BFSP2: variants seen among roughly 807,000 people sequenced by gnomAD.
BFSP2 encodes phakinin.
A neutral mutation model predicts 44.9 loss-of-function variants in BFSP2; 38 were observed. The ratio of observed to expected loss-of-function variants is 0.85; its 90% CI spans 0.65 to 1.11. The LOEUF (loss-of-function observed/expected upper bound fraction) is 1.11, where lower values mean the gene tolerates loss of function less well. BFSP2 is among the 50% of genes least tolerant of loss of function. The pLI is 0.00. For synonymous variants in BFSP2, 197 were observed against 209.9 expected, an observed-to-expected ratio of 0.94 and a Z score of 0.53; for missense variants, 525 against 533.0, an observed-to-expected ratio of 0.99 and a Z score of 0.15.
At chr3:133,417,674 T>TA (rs2073553574) in intron 1 of BFSP2, among the ~76,000 whole-genome samples, 15 of 134,594 alleles carry the variant, frequency 1.1e-4, no homozygotes, top group African/African-American at 1.7e-4. Flanking sequence ...CCCTGCCCTC[T>TA]CCTCTCTACT....
intron 1 of BFSP2, among the ~76,000 whole-genome samples, chr3:133,434,223 A>G (rs2073758302): frequency 6.6e-6 from 1 of 152,134 alleles, no homozygotes; most frequent in Non-Finnish European, 1.5e-5. Context: ...TAGACCTTTT[A>G]TACCTGTTTT....
chr3:133,404,197 C>T (rs1399926928), intron 1 of BFSP2, among the ~76,000 whole-genome samples: 1 of 152,178 alleles, frequency 6.6e-6, no homozygotes, highest in Non-Finnish European at 1.5e-5. Context: ...TATGAGGCAC[C>T]GTGCCCAGCC....
intron 4 of BFSP2, among the ~76,000 whole-genome samples, chr3:133,463,087 T>C (rs974380798): frequency 6.6e-6 from 1 of 152,084 alleles, no homozygotes; most frequent in African/African-American, 2.4e-5. Flanking sequence ...AGCCGGCGGA[T>C]CAACTGAGGT....
intron 1 of BFSP2, among the ~76,000 whole-genome samples, chr3:133,409,227 G>GGGGTGT (rs1553777201): frequency 1.3e-4 from 19 of 148,604 alleles, no homozygotes; most frequent in African/African-American, 4.7e-4. Context: ...TTCTGACACT[G>GGGGTGT]GTGTGTGTGT....
At chr3:133,441,576 G>A (rs1355590737) in intron 1 of BFSP2, among the ~76,000 whole-genome samples, 1 of 152,124 alleles carries the variant, frequency 6.6e-6, no homozygotes, top group Non-Finnish European at 1.5e-5. Context: ...TTGGAGCTAG[G>A]TAAGAACCTG....
At chr3:133,413,360 A>G (rs2073474970) in intron 1 of BFSP2, among the ~76,000 whole-genome samples, 1 of 152,054 alleles carries the variant, frequency 6.6e-6, no homozygotes, top group African/African-American at 2.4e-5. Flanking sequence ...ACCCAGCCAA[A>G]TTAAACAAGC....
intron 4 of BFSP2, among the ~76,000 whole-genome samples, chr3:133,465,249 C>T (rs2074099293): frequency 6.6e-6 from 1 of 151,940 alleles, no homozygotes; most frequent in African/African-American, 2.4e-5. Context: ...TCAGGTGATC[C>T]ACCCACCTCG....
chr3:133,419,904 C>T (rs1178849709), intron 1 of BFSP2, among the ~76,000 whole-genome samples: 1 of 152,232 alleles, frequency 6.6e-6, no homozygotes, highest in Non-Finnish European at 1.5e-5. Flanking sequence ...GTGGCTCCGG[C>T]TCCGCCAAAC....
chr3:133,449,275 T>C (rs2073934002), intron 3 of BFSP2: 1 of 153,166 alleles, frequency 6.5e-6, no homozygotes, highest in Non-Finnish European at 1.5e-5. Flanking sequence ...GCCCATTTCT[T>C]CTTGTTCTTA....
chr3:133,400,244 C>G lies in BFSP2; in HGVS notation c.161C>G (p.Pro54Arg). The change falls in exon 1 of 7, where the codon CCC becomes CGC. Residue 54 changes from proline (P) to arginine (R), a missense_variant. Transcript: ENST00000302334. The surrounding 1 kb of genome is among the most constrained non-coding windows in gnomAD (Gnocchi z 4.0). ...TNAMSGLVRAPGVYVGTAPSG... is the reference protein window; with the variant it reads ...TNAMSGLVRARGVYVGTAPSG... ...GCCATGAGTGGCCTTGTCCGAGCAC[C>G]CGGGGTCTATGTAGGAACAGCACCC... 2.5e-6 allele frequency: 4 copies of G among 1,613,946 alleles called. No homozygotes were observed. The highest frequency in any genetic ancestry group is 3.4e-6 in the Non-Finnish European group (4 of 1,179,932).
chr3:133,442,606 T>C (rs2073855661), intron 1 of BFSP2, among the ~76,000 whole-genome samples: 1 of 152,046 alleles, frequency 6.6e-6, no homozygotes, highest in Non-Finnish European at 1.5e-5. Flanking sequence ...GATATTATAA[T>C]GGGATAGGAG....
At chr3:133,414,300 TCCCCTACTCA>T (rs2073486058) in intron 1 of BFSP2, among the ~76,000 whole-genome samples, 1 of 30,876 alleles carries the variant, frequency 3.2e-5, no homozygotes, top group Non-Finnish European at 5.8e-5. Flanking sequence ...CTGCCCTCTC[TCCCCTACTCA>T]CCCCTCTACT....
chr3:133,471,111 T>C (rs983006880), intron 5 of BFSP2, among the ~76,000 whole-genome samples: 3 of 152,300 alleles, frequency 2.0e-5, no homozygotes, highest in Non-Finnish European at 2.9e-5. Context: ...GTGTGCCATA[T>C]CAGGGGCCCT....
chr3:133,405,823 T>C (rs1485196734), intron 1 of BFSP2, among the ~76,000 whole-genome samples: 1 of 152,214 alleles, frequency 6.6e-6, no homozygotes, highest in African/African-American at 2.4e-5. Context: ...TTAGAGAGAT[T>C]CATTCCTCTT....
intron 4 of BFSP2, among the ~76,000 whole-genome samples, chr3:133,457,270 G>A (rs925253764): frequency 2.0e-5 from 3 of 152,220 alleles, no homozygotes; most frequent in Admixed American, 6.5e-5. Context: ...AACACTGAAC[G>A]GGGATCCCGA....
chr3:133,417,014 CCTCTA>C (rs1158911278), intron 1 of BFSP2, among the ~76,000 whole-genome samples: 1 of 143,972 alleles, frequency 6.9e-6, no homozygotes, highest in Non-Finnish European at 1.5e-5. Flanking sequence ...TGCCCTCTCT[CCTCTA>C]CTCACCCCTC....
intron 4 of BFSP2, among the ~76,000 whole-genome samples, chr3:133,451,414 G>T (rs1472871511): frequency 6.6e-6 from 1 of 152,210 alleles, no homozygotes; most frequent in Non-Finnish European, 1.5e-5. Flanking sequence ...AATATTTCAG[G>T]CTTCTTGGGC....
At chr3:133,421,473 A>G (rs1042363465) in intron 1 of BFSP2, among the ~76,000 whole-genome samples, 3 of 152,156 alleles carry the variant, frequency 2.0e-5, no homozygotes, top group Non-Finnish European at 2.9e-5. Context: ...CTCTACCTTC[A>G]TTCTTCCATA....
intron 4 of BFSP2, chr3:133,455,208 A>G (rs1019978172): frequency 2.0e-5 from 3 of 152,286 alleles, no homozygotes; most frequent in African/African-American, 7.2e-5. Context: ...TACTATTGTT[A>G]GCAAGTGTTA....
Sources: allele counts gnomAD v4.1 joint callset (sites outside exome capture counted in the v4.1 genomes callset), GRCh38; gene constraint gnomAD v4.1.1; non-coding constraint Gnocchi (gnomAD v3.1); transcripts MANE v1.5; gene names NCBI Gene and HGNC (gene_info 2026-07-23, HGNC 2026-07-21).